The following PTN variants were observed in gnomAD, a reference collection of about 807,000 sequenced individuals.
PTN encodes heparin affin regulatory protein.
In PTN, 18 loss-of-function variants were observed where a neutral mutation model predicts 24.1. That is an observed-to-expected ratio of 0.75 (90% confidence interval 0.52 to 1.11). PTN has a LOEUF of 1.11. Ranked by LOEUF, PTN falls within the 50% of genes least tolerant of loss-of-function variation. The pLI is 0.00. For missense variants in PTN, 163 were observed against 198.8 expected, an observed-to-expected ratio of 0.82 and a Z score of 1.08; for synonymous variants, 78 against 68.6, an observed-to-expected ratio of 1.14 and a Z score of -0.67.
At chr7:137,286,624 A>T (rs1023440251) in intron 1 of PTN, among the ~76,000 whole-genome samples, 2 of 152,336 alleles carry the variant, frequency 1.3e-5, no homozygotes, top group East Asian at 3.9e-4. Flanking sequence ...TTAATTATTC[A>T]TTTAGACTGA....
intron 1 of PTN, among the ~76,000 whole-genome samples, chr7:137,267,798 G>C (rs372538784): frequency 3.3e-5 from 5 of 152,018 alleles, no homozygotes; most frequent in East Asian, 1.9e-4. Context: ...CAAAATCGGA[G>C]TATCAGGAAA....
At chr7:137,325,928 G>C (rs1810252390) in intron 1 of PTN, 1 of 152,192 alleles carries the variant, frequency 6.6e-6, no homozygotes. Context: ...CGTGATTATA[G>C]AGTTTTCTTG....
chr7:137,270,225 T>C (rs1809251939), intron 1 of PTN, among the ~76,000 whole-genome samples: 1 of 152,182 alleles, frequency 6.6e-6, no homozygotes, highest in Admixed American at 6.5e-5. Flanking sequence ...GGAAGGGCAA[T>C]TATTTTGCAT....
intron 1 of PTN, among the ~76,000 whole-genome samples, chr7:137,285,648 C>CA (rs1196214315): frequency 6.6e-6 from 1 of 152,100 alleles, no homozygotes; most frequent in Non-Finnish European, 1.5e-5. Flanking sequence ...CCAGCCTAGG[C>CA]AACAGAGTGA....
At chr7:137,233,453 T>G (rs1808464160) in intron 4 of PTN, among the ~76,000 whole-genome samples, 1 of 151,958 alleles carries the variant, frequency 6.6e-6, no homozygotes, top group Non-Finnish European at 1.5e-5. Flanking sequence ...ATTTATTGAT[T>G]CAGCAAATAT....
intron 4 of PTN, among the ~76,000 whole-genome samples, chr7:137,242,777 C>T (rs1808653224): frequency 1.3e-5 from 2 of 152,240 alleles, no homozygotes; most frequent in South Asian, 4.1e-4. Flanking sequence ...CAGAAGCCTG[C>T]TCCATGGGCT....
chr7:137,298,009 T>C (rs1389569748), intron 1 of PTN, among the ~76,000 whole-genome samples: 1 of 151,970 alleles, frequency 6.6e-6, no homozygotes, highest in Admixed American at 6.6e-5. Context: ...GTGTCAGAAA[T>C]AGCTCACTCT....
At chr7:137,339,071 G>A (rs951964739) in intron 1 of PTN, among the ~76,000 whole-genome samples, 1 of 151,564 alleles carries the variant, frequency 6.6e-6, no homozygotes, top group African/African-American at 2.4e-5. Flanking sequence ...AGTGCCCAAA[G>A]AAATTAGGAA....
chr7:137,330,786 G>T (rs1810344413), intron 1 of PTN, among the ~76,000 whole-genome samples: 1 of 152,142 alleles, frequency 6.6e-6, no homozygotes, highest in Non-Finnish European at 1.5e-5. Flanking sequence ...TTGCTCCACA[G>T]AGCTGGAGTG....
At position 137,229,729 on chromosome 7, in the gene PTN, C is replaced by T. The variant is rs144172300; in HGVS notation, c.452-1654G>A. 5.9e-5 allele frequency among the ~76,000 whole-genome samples: 9 copies of T among 151,892 alleles called. No individual in the cohort carries two copies. In the East Asian group the frequency reaches 1.2e-3, roughly 20 times the overall value. The stretch of plus-strand genomic sequence containing the variant: ...TATACTAAAGAAATTTAACTTTTCA[C>T]GCTCTCTATTTTTGTTTGTTTTCTC... On this transcript the variant is annotated intron_variant, in intron 4 of 4. Transcript: ENST00000348225.
chr7:137,278,074 G>A (rs1585026153), intron 1 of PTN, among the ~76,000 whole-genome samples: 2 of 151,194 alleles, frequency 1.3e-5, no homozygotes, highest in Admixed American at 6.6e-5. Context: ...TTGGGAGGCC[G>A]AGGCGGGTGG....
intron 1 of PTN, among the ~76,000 whole-genome samples, chr7:137,324,070 G>A (rs953434845): frequency 6.6e-6 from 1 of 152,098 alleles, no homozygotes; most frequent in Admixed American, 6.5e-5. Context: ...AGTTGTAGAG[G>A]CTGGTCTAGA....
chr7:137,334,862 C>T (rs530751750), intron 1 of PTN, among the ~76,000 whole-genome samples: 2 of 151,692 alleles, frequency 1.3e-5, no homozygotes, highest in African/African-American at 4.8e-5. Context: ...ACTATGCAGC[C>T]ATAAAAAATG....
At chr7:137,253,336 T>G (rs1808861637) in intron 3 of PTN, 128 bp downstream of exon 3, 1 of 980,840 alleles carries the variant, frequency 1.0e-6, no homozygotes, top group African/African-American at 1.7e-5. Flanking sequence ...GGGACCAGTC[T>G]GGTCACTTTG....
chr7:137,283,132 G>A (rs1271371834), intron 1 of PTN, among the ~76,000 whole-genome samples: 1 of 152,168 alleles, frequency 6.6e-6, no homozygotes, highest in Non-Finnish European at 1.5e-5. Context: ...GCTAGGAAGT[G>A]TCCACATGGG....
intron 1 of PTN, among the ~76,000 whole-genome samples, chr7:137,308,837 T>C (rs1436201371): frequency 1.3e-5 from 2 of 152,172 alleles, no homozygotes; most frequent in Non-Finnish European, 2.9e-5. Context: ...ACCCTAAACT[T>C]ACTTGGTTTC....
chr7:137,263,439 G>A (rs1479594793), intron 1 of PTN, among the ~76,000 whole-genome samples: 3 of 152,144 alleles, frequency 2.0e-5, no homozygotes, highest in African/African-American at 7.2e-5. Context: ...GTAGTCGAGA[G>A]CCAATCTATT....
intron 1 of PTN, among the ~76,000 whole-genome samples, chr7:137,286,159 C>T (rs1809550672): frequency 6.6e-6 from 1 of 152,146 alleles, no homozygotes; most frequent in South Asian, 2.1e-4. Flanking sequence ...CTAATAGAAG[C>T]ACCCACAGAC....
At chr7:137,236,597 T>C (rs976605067) in intron 4 of PTN, among the ~76,000 whole-genome samples, 3 of 152,148 alleles carry the variant, frequency 2.0e-5, no homozygotes, top group Non-Finnish European at 2.9e-5. Flanking sequence ...CAAGATTTTA[T>C]ACTTCTTGAC....
Sources: gnomAD v4.1 joint callset for allele counts (sites outside exome capture counted in the v4.1 genomes callset) on GRCh38, gnomAD v4.1.1 for gene constraint, MANE v1.5 for transcripts, NCBI Gene and HGNC (gene_info 2026-07-23, HGNC 2026-07-21) for gene names.